Variants in DLGAP4 observed in about 807,000 individuals in gnomAD.
DLGAP4 encodes the protein DLG associated protein 4.
Under a neutral mutation model 86.9 loss-of-function variants are expected in DLGAP4, and 18 were observed. The ratio of observed to expected loss-of-function variants is 0.21; its 90% confidence interval spans 0.14 to 0.31. The LOEUF (loss-of-function observed/expected upper bound fraction) is 0.31. DLGAP4 is among the 10% of genes least tolerant of loss of function. DLGAP4 has a pLI of 1.00. For missense variants in DLGAP4, 1,085 were observed against 1,362.6 expected (o/e 0.80, Z 3.21); for synonymous variants, 548 against 574.3 (o/e 0.95, Z 0.65).
Position 36,345,297 on chromosome 20 carries a change from C to T in DLGAP4, c.-303-21748C>T, listed in dbSNP as rs908409292. Among the ~76,000 whole-genome samples the T allele has an allele frequency of 5.3e-5, 8 of 152,316 alleles. No individual in the cohort carries two copies. The East Asian group carries it at 1.5e-3, about 29-fold the overall frequency. ...GCTTTTTTTCCTTCCTCACAGGTGCCATAATTTGAAGCATGTGTTGTTTTT... is the reference window on the plus strand; with the variant it reads ...GCTTTTTTTCCTTCCTCACAGGTGCTATAATTTGAAGCATGTGTTGTTTTT... On this transcript the variant is annotated intron_variant, in intron 1 of 12. Transcript: ENST00000339266.
At chr20:36,341,388 A>G (rs1243595549) in intron 1 of DLGAP4, among the ~76,000 whole-genome samples, 6 of 152,090 alleles carry the variant, frequency 3.9e-5, no homozygotes, top group African/African-American at 1.4e-4. Context: ...CAGCGTCCTC[A>G]TCTGTCTTGT....
chr20:36,430,696 T>C (rs1157866263), intron 2 of DLGAP4, among the ~76,000 whole-genome samples: 2 of 148,086 alleles, frequency 1.4e-5, no homozygotes, highest in East Asian at 2.0e-4. Flanking sequence ...GGCTCATGCC[T>C]GTAATCTCAG....
rs1338296207 is a variant in DLGAP4, at chr20:36,436,117, C to T, written c.1008C>T (p.Gly336=). 6 of 1,568,618 alleles carry T rather than the reference C, an allele frequency of 3.8e-6. No homozygotes were observed. Among genetic ancestry groups the T allele is most frequent in the East Asian group, 4.6e-5 (2 of 43,872 alleles). ...GLAYHYLQVP[G]GGGEWSTTLL... ...CTGTGCCCCATCCCCAGGTGCCCGG[C>T]GGCGGCGGCGAGTGGAGCACCACGC... Residue 336 remains glycine (G), a synonymous_variant, in exon 4 of 13, where the codon GGC becomes GGT. Coordinates refer to ENST00000339266, the MANE Select transcript of DLGAP4 (RefSeq NM_001365621.2).
chr20:36,462,836 T>G (rs2034160422), intron 7 of DLGAP4, among the ~76,000 whole-genome samples: 1 of 152,236 alleles, frequency 6.6e-6, no homozygotes, highest in African/African-American at 2.4e-5. Context: ...CACCACGGGC[T>G]GGGCATCCCT....
intron 1 of DLGAP4, among the ~76,000 whole-genome samples, chr20:36,320,933 G>A (rs2147345176): frequency 6.6e-6 from 1 of 152,330 alleles, no homozygotes; most frequent in Non-Finnish European, 1.5e-5. Context: ...ACCCCTTCCA[G>A]GACTCAGCAC....
At chr20:36,370,834 A>C (rs1003192815) in intron 2 of DLGAP4, among the ~76,000 whole-genome samples, 1 of 152,186 alleles carries the variant, frequency 6.6e-6, no homozygotes, top group East Asian at 1.9e-4. Context: ...TAAATAAATA[A>C]CATTAAAAAA....
intron 10 of DLGAP4, among the ~76,000 whole-genome samples, chr20:36,517,648 C>T (rs1260278893): frequency 6.6e-6 from 1 of 151,868 alleles, no homozygotes; most frequent in Non-Finnish European, 1.5e-5. Context: ...GAGAAGTCAG[C>T]TTGTCTGACA....
intron 2 of DLGAP4, among the ~76,000 whole-genome samples, chr20:36,380,656 A>AGAGG (rs2031354642): frequency 8.5e-6 from 1 of 118,104 alleles, no homozygotes; most frequent in Non-Finnish European, 1.8e-5. Flanking sequence ...AGAGAGAGAG[A>AGAGG]GAGAGAGAAT....
At chr20:36,510,276 T>A (rs2147809563) in intron 10 of DLGAP4, among the ~76,000 whole-genome samples, 1 of 152,180 alleles carries the variant, frequency 6.6e-6, no homozygotes, top group East Asian at 1.9e-4. Context: ...TATTTAATTT[T>A]ATTTTTTTGG....
At chr20:36,506,899 G>A (rs1202760327) in intron 10 of DLGAP4, among the ~76,000 whole-genome samples, 1 of 152,164 alleles carries the variant, frequency 6.6e-6, no homozygotes. Context: ...GCTACTTCAT[G>A]TAAGTGGAAC....
In DLGAP4 at chr20:36,432,411, CGCCAGGCAGAACGCA is replaced by C. The variant is rs1245646826; in HGVS notation, c.700_714del (p.Ala234_Gln238del). The C allele has an allele frequency of 1.9e-6, 3 of 1,613,586 alleles. No individual in the cohort carries two copies. Among genetic ancestry groups the C allele is most frequent in the Non-Finnish European group, 2.5e-6 (3 of 1,180,050 alleles). On this transcript the variant is annotated inframe_deletion, in exon 3 of 13. Coordinates refer to ENST00000339266, the MANE Select transcript of DLGAP4 (RefSeq NM_001365621.2). The surrounding 1 kb of genome is among the most constrained non-coding windows in gnomAD (Gnocchi z 6.5). ...AGCCTCTGGGCTGATGACACTAGGC[CGCCAGGCAGAACGCA>C]GCCAGCCACGCTACTTCATGCACGC... is the stretch of plus-strand genomic sequence containing the variant.
At chr20:36,369,540 C>T (rs1345356022) in intron 2 of DLGAP4, among the ~76,000 whole-genome samples, 1 of 152,070 alleles carries the variant, frequency 6.6e-6, no homozygotes, top group East Asian at 1.9e-4. Context: ...TTGCAGTAGC[C>T]ACTGCACTCC....
At chr20:36,524,542 T>TA in intron 11 of DLGAP4, among the ~76,000 whole-genome samples, 1 of 152,212 alleles carries the variant, frequency 6.6e-6, no homozygotes, top group Non-Finnish European at 1.5e-5. Flanking sequence ...AGATCTCTAA[T>TA]ATCTTTCCAT....
chr20:36,512,146 A>G (rs375652744), intron 10 of DLGAP4, among the ~76,000 whole-genome samples: 9 of 142,288 alleles, frequency 6.3e-5, no homozygotes, highest in South Asian at 4.5e-4. Flanking sequence ...CACCTCCCGG[A>G]TTCATGCCAT....
chr20:36,487,042 C>G (rs373028537), intron 7 of DLGAP4, among the ~76,000 whole-genome samples: 12 of 152,194 alleles, frequency 7.9e-5, no homozygotes, highest in South Asian at 2.1e-4. Context: ...ACGCAAAAGA[C>G]CAGGCCTGCT....
intron 2 of DLGAP4, among the ~76,000 whole-genome samples, chr20:36,396,170 C>CCT (rs2147472568): frequency 6.6e-6 from 1 of 152,098 alleles, no homozygotes; most frequent in South Asian, 2.1e-4. Context: ...AGGTTGACAT[C>CCT]CTCCTACTGG....
chr20:36,383,135 GA>G (rs1251555450), intron 2 of DLGAP4, among the ~76,000 whole-genome samples: 1 of 152,196 alleles, frequency 6.6e-6, no homozygotes, highest in African/African-American at 2.4e-5. Context: ...GGCTGCTTTA[GA>G]AGCACAGAGT....
At chr20:36,445,317 A>C (rs956627055) in intron 6 of DLGAP4, among the ~76,000 whole-genome samples, 1 of 152,090 alleles carries the variant, frequency 6.6e-6, no homozygotes, top group African/African-American at 2.4e-5. Context: ...CAGCCTAGCC[A>C]ATATGGTGAA....
chr20:36,526,871 T>G lies in DLGAP4; in HGVS notation c.2819T>G (p.Val940Gly). Residue 940 changes from valine (V) to glycine (G), a missense_variant, in exon 13 of 13, where the codon GTG becomes GGG. By Grantham distance (109) the Val-to-Gly change is moderately radical. Coordinates refer to ENST00000339266, the MANE Select transcript of DLGAP4 (RefSeq NM_001365621.2). ...PKKPAKSKPA[V>G]SRDKASDASD... ...AAGCCAGCCAAATCCAAGCCGGCAG[T>G]GAGCCGCGACAAGGCCTCAGACGCC... is the stretch of plus-strand genomic sequence containing the variant. The G allele has an allele frequency of 1.9e-6, 3 of 1,612,096 alleles. No homozygotes were observed. Among genetic ancestry groups the G allele is most frequent in the Non-Finnish European group, 2.5e-6 (3 of 1,179,520 alleles).
Sources: gnomAD v4.1 joint callset for allele counts (sites outside exome capture counted in the v4.1 genomes callset) on GRCh38, gnomAD v4.1.1 for gene constraint, Gnocchi (gnomAD v3.1) non-coding constraint, MANE v1.5 for transcripts, NCBI Gene and HGNC (gene_info 2026-07-23, HGNC 2026-07-21) for gene names.